The following IFT25 variants were observed in gnomAD, a reference collection of about 807,000 sequenced individuals.
The protein encoded by IFT25 is intraflagellar transport 25.
the IFT25 span, among the ~76,000 whole-genome samples, chr1:53,919,949 C>T: frequency 3.3e-5 from 5 of 152,196 alleles, no homozygotes; most frequent in South Asian, 2.1e-4. Context: ...ACGTACCACT[C>T]TGCCTGGTTT....
chr1:53,928,901 T>G, the IFT25 span: 1 of 153,712 alleles, frequency 6.5e-6, no homozygotes. Flanking sequence ...AGCTCATAAG[T>G]GCCAGAAATG....
At chr1:53,936,284 T>C in the IFT25 span, among the ~76,000 whole-genome samples, 1 of 151,404 alleles carries the variant, frequency 6.6e-6, no homozygotes, top group African/African-American at 2.4e-5. Flanking sequence ...CAAGATTCCA[T>C]CTCAAAAAAA....
At chr1:53,935,913 C>T in the IFT25 span, among the ~76,000 whole-genome samples, 1 of 151,986 alleles carries the variant, frequency 6.6e-6, no homozygotes, top group Non-Finnish European at 1.5e-5. Context: ...TCTTTGGATG[C>T]TTTCAATGAA....
At chr1:53,927,294 T>A in the IFT25 span, among the ~76,000 whole-genome samples, 1 of 152,242 alleles carries the variant, frequency 6.6e-6, no homozygotes, top group Admixed American at 6.5e-5. Flanking sequence ...TTTGTCAGTA[T>A]CCATAGGTCT....
At chr1:53,933,355 C>T in the IFT25 span, among the ~76,000 whole-genome samples, 2,041 of 152,068 alleles carry the variant, frequency 0.013, 50 homozygotes, top group African/African-American at 0.046. Flanking sequence ...AGGATGGTCT[C>T]GATCTCCTGA....
the IFT25 span, chr1:53,939,979 T>G: frequency 1.7e-3 from 2,573 of 1,522,024 alleles, 34 homozygotes; most frequent in African/African-American, 0.031. Flanking sequence ...GTATAGTAAC[T>G]CTTACCCATC....
chr1:53,920,356 A>G, the IFT25 span, among the ~76,000 whole-genome samples: 2 of 148,670 alleles, frequency 1.3e-5, no homozygotes, highest in African/African-American at 4.9e-5. Context: ...GTATGGTTGT[A>G]GTCAACTGTA....
the IFT25 span, among the ~76,000 whole-genome samples, chr1:53,936,319 G>A: frequency 6.6e-6 from 1 of 151,890 alleles, no homozygotes; most frequent in African/African-American, 2.4e-5. Context: ...ACATGGTGGT[G>A]CATGCCTGTA....
the IFT25 span, among the ~76,000 whole-genome samples, chr1:53,936,426 G>C: frequency 1.8e-4 from 27 of 152,280 alleles, no homozygotes; most frequent in African/African-American, 5.1e-4. Context: ...CTCCAGCCTG[G>C]GTGACAGAGT....
chr1:53,940,946 A>G, the IFT25 span, among the ~76,000 whole-genome samples: 1 of 150,662 alleles, frequency 6.6e-6, no homozygotes, highest in Non-Finnish European at 1.5e-5. Context: ...TTGGGAGGCC[A>G]AAAAAAAATT....
At chr1:53,932,333 CAAA>C in the IFT25 span, among the ~76,000 whole-genome samples, 3 of 131,036 alleles carry the variant, frequency 2.3e-5, no homozygotes, top group Non-Finnish European at 3.4e-5. Flanking sequence ...AACTCCATCT[CAAA>C]AAAAAAAAAA....
At chr1:53,913,344 T>C in the IFT25 span, among the ~76,000 whole-genome samples, 5 of 152,220 alleles carry the variant, frequency 3.3e-5, no homozygotes, top group African/African-American at 1.2e-4. Flanking sequence ...AGGTTTCTCC[T>C]GAGAGCGCTC....
the IFT25 span, among the ~76,000 whole-genome samples, chr1:53,945,156 T>C: frequency 6.6e-6 from 1 of 152,166 alleles, no homozygotes; most frequent in Non-Finnish European, 1.5e-5. Flanking sequence ...GCCTCAGACT[T>C]GTGGAGGCCC....
At chr1:53,939,826 C>A in the IFT25 span, 1 of 594,686 alleles carries the variant, frequency 1.7e-6, no homozygotes, top group Non-Finnish European at 2.9e-6. Context: ...ATACACAACT[C>A]AATTAGTTTC....
At chr1:53,924,696 G>A in the IFT25 span, among the ~76,000 whole-genome samples, 3 of 152,126 alleles carry the variant, frequency 2.0e-5, no homozygotes, top group Admixed American at 2.0e-4. Context: ...AATTAGCCGG[G>A]TGTGGTGGCA....
chr1:53,918,092 T>C, the IFT25 span, among the ~76,000 whole-genome samples: 7 of 152,210 alleles, frequency 4.6e-5, no homozygotes, highest in African/African-American at 1.7e-4. Context: ...AAAATCTCAT[T>C]GGCTTAAAAC....
At chr1:53,941,962 T>A in the IFT25 span, among the ~76,000 whole-genome samples, 1 of 152,178 alleles carries the variant, frequency 6.6e-6, no homozygotes, top group Non-Finnish European at 1.5e-5. Context: ...GGTAGATATT[T>A]CTAACTCTGA....
At chr1:53,932,347 AG>A in the IFT25 span, among the ~76,000 whole-genome samples, 2 of 151,860 alleles carry the variant, frequency 1.3e-5, no homozygotes, top group South Asian at 2.1e-4. Flanking sequence ...AAAAAAAAAA[AG>A]AAAGATTTTC....
chr1:53,943,584 C>A, the IFT25 span, among the ~76,000 whole-genome samples: 2 of 151,978 alleles, frequency 1.3e-5, no homozygotes, highest in Non-Finnish European at 2.9e-5. Flanking sequence ...ATGCAGTAAT[C>A]TATTTGGCGG....
Sources: allele counts gnomAD v4.1 joint callset (sites outside exome capture counted in the v4.1 genomes callset), GRCh38; gene constraint gnomAD v4.1.1; transcripts MANE v1.5; gene names NCBI Gene and HGNC (gene_info 2026-07-23, HGNC 2026-07-21).